WDFY3: variants seen among roughly 807,000 people sequenced by gnomAD.
WDFY3 encodes the protein WD repeat and FYVE domain containing 3.
In WDFY3, 66 loss-of-function variants were observed where a neutral mutation model predicts 409.6. The observed-to-expected ratio is 0.16, with a 90% CI of 0.13 to 0.20. The LOEUF (loss-of-function observed/expected upper bound fraction) is 0.20. Among genes scored for constraint, WDFY3 ranks in the 10% least tolerant of loss-of-function variants. The pLI is 1.00. For missense variants in WDFY3, 3,031 were observed against 4,298.1 expected, an observed-to-expected ratio of 0.71 and a Z score of 8.24; for synonymous variants, 1,521 against 1,537.1, an observed-to-expected ratio of 0.99 and a Z score of 0.25.
intron 3 of WDFY3, among the ~76,000 whole-genome samples, chr4:84,881,642 T>C (rs1453036936): frequency 6.6e-6 from 1 of 151,278 alleles, no homozygotes; most frequent in Non-Finnish European, 1.5e-5. Flanking sequence ...ATCCCAACAC[T>C]TTGGGAGGGC....
intron 1 of WDFY3, among the ~76,000 whole-genome samples, chr4:84,935,331 C>T (rs868201213): frequency 3.9e-5 from 6 of 152,142 alleles, no homozygotes; most frequent in African/African-American, 1.4e-4. Context: ...AACTTCACTA[C>T]CAAAAGGTAG....
chr4:84,948,052 G>C (rs1467376101), intron 1 of WDFY3, among the ~76,000 whole-genome samples: 8 of 152,040 alleles, frequency 5.3e-5, no homozygotes, highest in Non-Finnish European at 1.0e-4. Flanking sequence ...TCAACTGACT[G>C]CAACCAAAAA....
chr4:84,906,526 CCA>C (rs1279773206), intron 2 of WDFY3, among the ~76,000 whole-genome samples: 1 of 152,068 alleles, frequency 6.6e-6, no homozygotes, highest in African/African-American at 2.4e-5. Flanking sequence ...AAAAATTTAA[CCA>C]CAGTCATCCC....
intron 51 of WDFY3, among the ~76,000 whole-genome samples, chr4:84,711,138 T>C (rs1732811210): frequency 6.6e-6 from 1 of 152,192 alleles, no homozygotes; most frequent in African/African-American, 2.4e-5. Context: ...TTCCAGTCGA[T>C]TATAAAGGGC....
At chr4:84,756,825 A>G (rs1741548010) in intron 33 of WDFY3, 101 bp downstream of exon 33, 1 of 1,255,446 alleles carries the variant, frequency 8.0e-7, no homozygotes, top group Non-Finnish European at 1.1e-6. Context: ...ATGTGGGGAA[A>G]GTGATGGAAT....
intron 51 of WDFY3, among the ~76,000 whole-genome samples, chr4:84,712,930 AC>A (rs1252768972): frequency 6.6e-6 from 1 of 152,208 alleles, no homozygotes; most frequent in African/African-American, 2.4e-5. Context: ...ACACAGCAAT[AC>A]TCATGCTTTA....
chr4:84,780,382 A>G, intron 25 of WDFY3, 84 bp from the exon 26 acceptor site: 1 of 1,280,302 alleles, frequency 7.8e-7, no homozygotes, highest in Non-Finnish European at 1.1e-6. Context: ...AAGTTTTTTA[A>G]TTAGCAGTGT....
At chr4:84,747,396 G>A (rs1390071343) in intron 36 of WDFY3, among the ~76,000 whole-genome samples, 1 of 152,112 alleles carries the variant, frequency 6.6e-6, no homozygotes, top group African/African-American at 2.4e-5. Flanking sequence ...TTTCCTCTCT[G>A]AGTTACTTTG....
rs1043001694 is a variant in WDFY3, at chr4:84,679,134, G to A, written c.9932C>T (p.Pro3311Leu). 1 of 1,614,156 alleles carries A rather than the reference G, an allele frequency of 6.2e-7. No individual in the cohort carries two copies. The highest frequency in any genetic ancestry group is 1.7e-5 in the Admixed American group (1 of 60,030). The change falls in exon 65 of 68, where the codon CCC becomes CTC. Residue 3311 changes from proline to leucine, a missense_variant. Pro to Leu is a moderately conservative substitution (Grantham distance 98, BLOSUM62 -3). Around this residue, in one of 16 missense-constraint regions of WDFY3, gnomAD observed 378 missense variants for 477.3 expected, o/e 0.79. Coordinates refer to ENST00000295888, the MANE Select transcript of WDFY3 (RefSeq NM_014991.6). ...TGTTGCGCGGCAGGAGGCTGCCCGG[G>A]GCCTGTGGCTGGTGCTGCTGGGTTG... ...PSQPSSTSHRPRAASCRATAA... is the reference protein window; with the variant it reads ...PSQPSSTSHRLRAASCRATAA...
At chr4:84,888,027 T>C (rs977548980) in intron 3 of WDFY3, among the ~76,000 whole-genome samples, 1 of 152,202 alleles carries the variant, frequency 6.6e-6, no homozygotes, top group African/African-American at 2.4e-5. Context: ...GAGCGGTATC[T>C]TGGCAAAGAA....
chr4:84,826,358 A>G (rs902996829), intron 10 of WDFY3, among the ~76,000 whole-genome samples: 2 of 152,128 alleles, frequency 1.3e-5, no homozygotes, highest in Non-Finnish European at 2.9e-5. Flanking sequence ...ATACTATACC[A>G]TTTTATATCA....
intron 50 of WDFY3, 110 bp downstream of exon 50, chr4:84,715,186 CAA>C: frequency 1.7e-6 from 1 of 592,432 alleles, no homozygotes; most frequent in Non-Finnish European, 3.0e-6. Flanking sequence ...TTATTTTCTT[CAA>C]AGATGTTGGC....
At chr4:84,684,438 C>T (rs1056277049) in intron 62 of WDFY3, among the ~76,000 whole-genome samples, 2 of 152,188 alleles carry the variant, frequency 1.3e-5, no homozygotes, top group African/African-American at 4.8e-5. Flanking sequence ...TCCCTGTCAT[C>T]TGAGGAGATG....
At chr4:84,698,424 G>A (rs1300497506) in intron 56 of WDFY3, among the ~76,000 whole-genome samples, 2 of 151,362 alleles carry the variant, frequency 1.3e-5, no homozygotes, top group Admixed American at 6.6e-5. Context: ...ACAGGCACGT[G>A]CCACCATGCC....
chr4:84,739,639 G>A (rs1170134085), intron 39 of WDFY3, among the ~76,000 whole-genome samples: 1 of 151,984 alleles, frequency 6.6e-6, no homozygotes, highest in Admixed American at 6.6e-5. Context: ...TTCAGGTTAG[G>A]GGCCCCTCTT....
intron 10 of WDFY3, 35 bp from the exon 11 acceptor site, chr4:84,821,586 T>C (rs1038974152): frequency 1.3e-6 from 2 of 1,539,876 alleles, no homozygotes; most frequent in African/African-American, 1.4e-5. Context: ...AAGTAGGTAC[T>C]ATGTGATATT....
At chr4:84,778,238 G>A (rs1187144912) in intron 27 of WDFY3, among the ~76,000 whole-genome samples, 1 of 152,132 alleles carries the variant, frequency 6.6e-6, no homozygotes. Flanking sequence ...TTTGACTCAT[G>A]TAATGCCACT....
intron 61 of WDFY3, among the ~76,000 whole-genome samples, chr4:84,690,186 C>CA (rs1373614014): frequency 6.6e-6 from 1 of 152,084 alleles, no homozygotes; most frequent in East Asian, 1.9e-4. Flanking sequence ...TAATATGAGT[C>CA]AATAGCAAAC....
intron 67 of WDFY3, among the ~76,000 whole-genome samples, chr4:84,673,645 CTA>C (rs1370816142): frequency 6.6e-6 from 1 of 152,114 alleles, no homozygotes; most frequent in Non-Finnish European, 1.5e-5. Context: ...TTGAAGGAGA[CTA>C]TTCTTAAGAG....
Sources: gnomAD v4.1 joint callset for allele counts (sites outside exome capture counted in the v4.1 genomes callset) on GRCh38, gnomAD v4.1.1 for gene constraint, gnomAD v4.1.1 regional missense constraint, MANE v1.5 for transcripts, NCBI Gene and HGNC (gene_info 2026-07-23, HGNC 2026-07-21) for gene names.